ULK4: variants seen among roughly 807,000 people sequenced by gnomAD.
ULK4 encodes the protein inactive serine/threonine-protein kinase ULK4.
In ULK4, 133 loss-of-function variants were observed where a neutral mutation model predicts 160.6. The ratio of observed to expected loss-of-function variants is 0.83; its 90% CI spans 0.72 to 0.96. The LOEUF (loss-of-function observed/expected upper bound fraction) is 0.96. Among genes scored for constraint, ULK4 ranks in the 40% least tolerant of loss-of-function variants. The pLI is 0.00. For missense variants in ULK4, 1,580 were observed against 1,499.5 expected (o/e 1.05, Z -0.89); for synonymous variants, 534 against 539.8 (o/e 0.99, Z 0.15).
chr3:41,887,153 T>C (rs536125638), intron 16 of ULK4, among the ~76,000 whole-genome samples: 11 of 152,236 alleles, frequency 7.2e-5, no homozygotes, highest in Non-Finnish European at 1.2e-4. Context: ...GACCTGGCCC[T>C]GGCCCCACCA....
At position 41,730,936 on chromosome 3, in the gene ULK4, T is replaced by A. The variant is rs543267495; in HGVS notation, c.2322-13075A>T. Among the ~76,000 whole-genome samples, 26 of 152,218 alleles carry A rather than the reference T, an allele frequency of 1.7e-4. No homozygotes were observed. The East Asian group carries it at 3.5e-3, about 20-fold the overall frequency. On this transcript the variant is annotated intron_variant, in intron 22 of 36. Transcript: ENST00000301831. Reference sequence around the variant, plus strand: ...AAGAAAATCAAGAACAAAAACCATATGATTTCAATACATGCAGGGAAAAAA... The same window carrying A: ...AAGAAAATCAAGAACAAAAACCATAAGATTTCAATACATGCAGGGAAAAAA...
chr3:41,576,348 C>G (rs9818892), intron 31 of ULK4, among the ~76,000 whole-genome samples: 14,098 of 152,172 alleles, frequency 0.093, 2,206 homozygotes, highest in African/African-American at 0.32. Context: ...CTGTGGCCAC[C>G]AAGTGTAGAG....
intron 32 of ULK4, among the ~76,000 whole-genome samples, chr3:41,513,905 C>A (rs114141549): frequency 1.5e-3 from 228 of 152,162 alleles, no homozygotes; most frequent in African/African-American, 4.7e-3. Flanking sequence ...TCAAAAATCA[C>A]CACTAAAGAA....
chr3:41,433,093 G>T (rs2082951030), intron 34 of ULK4, among the ~76,000 whole-genome samples: 1 of 152,070 alleles, frequency 6.6e-6, no homozygotes, highest in Admixed American at 6.5e-5. Flanking sequence ...TCTATTTGTT[G>T]TGAAAAAAGG....
rs553740865 is a variant in ULK4 at position 41,387,073 on chromosome 3, A to G, written c.3678+11006T>C. ...GAATTATGTAAAAATTTTAGGCAGT[A>G]TATTTCTTTTTTTGATAGACTTTAA... On this transcript the variant is annotated intron_variant, in intron 35 of 36. Transcript: ENST00000301831. Among the ~76,000 whole-genome samples the G allele has an allele frequency of 1.8e-4, 28 of 152,190 alleles. No homozygotes were observed. In the South Asian group the frequency reaches 5.2e-3, roughly 28 times the overall value.
intron 14 of ULK4, among the ~76,000 whole-genome samples, chr3:41,898,098 C>T (rs1472380120): frequency 2.0e-5 from 3 of 152,126 alleles, no homozygotes; most frequent in Non-Finnish European, 4.4e-5. Context: ...CCCTGTGCAC[C>T]TATACCAGCC....
At chr3:41,594,795 A>AT (rs1242007369) in intron 31 of ULK4, among the ~76,000 whole-genome samples, 1 of 152,222 alleles carries the variant, frequency 6.6e-6, no homozygotes, top group Non-Finnish European at 1.5e-5. Flanking sequence ...AGCAGGGGAG[A>AT]TGAAAGGAGA....
intron 1 of ULK4, among the ~76,000 whole-genome samples, chr3:41,960,617 G>A (rs1700632677): frequency 6.6e-6 from 1 of 151,986 alleles, no homozygotes; most frequent in Non-Finnish European, 1.5e-5. Context: ...CGCCTGCCTC[G>A]GCCTTCCAAA....
chr3:41,453,074 A>G (rs1271095309), intron 34 of ULK4, among the ~76,000 whole-genome samples: 79 of 152,210 alleles, frequency 5.2e-4, no homozygotes, highest in Non-Finnish European at 5.9e-5. Context: ...GGCCTATGTC[A>G]TAAGGAAAGA....
intron 32 of ULK4, among the ~76,000 whole-genome samples, chr3:41,543,513 T>C (rs959086676): frequency 6.6e-6 from 1 of 152,170 alleles, no homozygotes; most frequent in African/African-American, 2.4e-5. Context: ...AATACAGTCC[T>C]CTGGGTTATC....
At chr3:41,758,656 C>A (rs1389176579) in intron 21 of ULK4, among the ~76,000 whole-genome samples, 3 of 152,076 alleles carry the variant, frequency 2.0e-5, no homozygotes, top group Non-Finnish European at 4.4e-5. Flanking sequence ...GAGGCCGAAG[C>A]GGGTGGATCA....
At chr3:41,401,336 ATTG>A (rs1032254985) in intron 34 of ULK4, among the ~76,000 whole-genome samples, 2 of 152,034 alleles carry the variant, frequency 1.3e-5, no homozygotes, top group African/African-American at 2.4e-5. Flanking sequence ...AAAGGATTTT[ATTG>A]TTGTTTTGTT....
At chr3:41,868,093 C>T (rs960027208) in intron 17 of ULK4, among the ~76,000 whole-genome samples, 4 of 152,090 alleles carry the variant, frequency 2.6e-5, no homozygotes, top group African/African-American at 9.7e-5. Flanking sequence ...ATTGTATAAT[C>T]GTGGGAATTA....
intron 35 of ULK4, among the ~76,000 whole-genome samples, chr3:41,396,199 G>A (rs151112720): frequency 6.6e-6 from 1 of 151,988 alleles, no homozygotes; most frequent in African/African-American, 2.4e-5. Flanking sequence ...ATTTACCCCT[G>A]CCTGGTGTAA....
intron 35 of ULK4, among the ~76,000 whole-genome samples, chr3:41,363,181 C>T (rs572935314): frequency 1.2e-4 from 19 of 152,254 alleles, no homozygotes; most frequent in African/African-American, 3.4e-4. Context: ...AGGAGCTCCC[C>T]GGGGGGCACA....
At chr3:41,905,427 A>C (rs1698518641) in intron 12 of ULK4, among the ~76,000 whole-genome samples, 1 of 152,230 alleles carries the variant, frequency 6.6e-6, no homozygotes, top group African/African-American at 2.4e-5. Flanking sequence ...TGGGAGTAGC[A>C]ATGGTTTTTT....
At chr3:41,483,530 T>C (rs1031618579) in intron 32 of ULK4, among the ~76,000 whole-genome samples, 5 of 151,972 alleles carry the variant, frequency 3.3e-5, no homozygotes, top group Non-Finnish European at 7.4e-5. Context: ...CCCAAGTAAA[T>C]AATGTAGAAA....
intron 32 of ULK4, among the ~76,000 whole-genome samples, chr3:41,481,610 G>A (rs1028739277): frequency 2.0e-5 from 3 of 151,746 alleles, no homozygotes; most frequent in South Asian, 2.1e-4. Context: ...GGCGGATCAC[G>A]AGGTCAGGAG....
At chr3:41,375,004 G>C (rs1013132203) in intron 35 of ULK4, among the ~76,000 whole-genome samples, 1 of 151,868 alleles carries the variant, frequency 6.6e-6, no homozygotes, top group Non-Finnish European at 1.5e-5. Flanking sequence ...CAGACAGAGA[G>C]CCAAATCATG....
Sources: allele counts gnomAD v4.1 joint callset (sites outside exome capture counted in the v4.1 genomes callset), GRCh38; gene constraint gnomAD v4.1.1; transcripts MANE v1.5; gene names NCBI Gene and HGNC (gene_info 2026-07-23, HGNC 2026-07-21).